The following IQCH variants were observed in gnomAD, a reference collection of about 807,000 sequenced individuals.
IQCH encodes IQ motif containing H.
IQCH carries 98 observed loss-of-function variants against 117.0 expected under a neutral mutation model. The observed-to-expected ratio is 0.84, with a 90% CI of 0.71 to 0.99. IQCH has a LOEUF of 0.99. IQCH is among the 50% of genes least tolerant of loss of function. IQCH has a pLI of 0.00. For missense variants in IQCH, 1,102 were observed against 1,243.8 expected (o/e 0.89, Z 1.72); for synonymous variants, 412 against 448.2 (o/e 0.92, Z 1.02).
intron 1 of IQCH, among the ~76,000 whole-genome samples, chr15:67,256,442 G>C (rs1965207743): frequency 6.6e-6 from 1 of 152,134 alleles, no homozygotes; most frequent in African/African-American, 2.4e-5. Flanking sequence ...CGCTGCTCCA[G>C]AGGTCTGAGC....
At chr15:67,329,839 CACACACAT>C (rs985140778) in intron 4 of IQCH, among the ~76,000 whole-genome samples, 1 of 151,684 alleles carries the variant, frequency 6.6e-6, no homozygotes, top group African/African-American at 2.4e-5. Flanking sequence ...CACACACACA[CACACACAT>C]ATACACATAT....
intron 16 of IQCH, among the ~76,000 whole-genome samples, chr15:67,449,396 T>G (rs1285125041): frequency 6.6e-6 from 1 of 152,146 alleles, no homozygotes; most frequent in African/African-American, 2.4e-5. Flanking sequence ...TGAATTAATT[T>G]TTGTATAAGG....
At chr15:67,389,478 GT>G (rs578040010) in intron 12 of IQCH, among the ~76,000 whole-genome samples, 101 of 145,858 alleles carry the variant, frequency 6.9e-4, no homozygotes, top group African/African-American at 9.5e-4. Flanking sequence ...CAATGTTCAG[GT>G]TTTTTTTTTT....
At chr15:67,477,813 A>G (rs2083242239) in intron 18 of IQCH, among the ~76,000 whole-genome samples, 1 of 152,190 alleles carries the variant, frequency 6.6e-6, no homozygotes, top group Non-Finnish European at 1.5e-5. Context: ...CCCCCACACA[A>G]AAGTGCTTCA....
rs1356940404 is a variant in IQCH, at chr15:67,366,343, C to T, written c.754-5768C>T. Among the ~76,000 whole-genome samples, 1 of 152,170 alleles carries T rather than the reference C, an allele frequency of 6.6e-6. No homozygotes were observed. The highest frequency in any genetic ancestry group is 1.5e-5 in the Non-Finnish European group (1 of 68,024). The stretch of plus-strand genomic sequence containing the variant: ...AATGCAGCAGTAAAATGAAATGTGT[C>T]TCTAGAAGGAAATTTCACATTTGAC... On this transcript the variant is annotated intron_variant, in intron 8 of 20. Coordinates refer to ENST00000335894, the MANE Select transcript of IQCH (RefSeq NM_001031715.3). The surrounding 1 kb of genome is among the most constrained non-coding windows in gnomAD (Gnocchi z 4.4).
At chr15:67,471,448 G>A (rs1179574985) in intron 17 of IQCH, among the ~76,000 whole-genome samples, 1 of 152,070 alleles carries the variant, frequency 6.6e-6, no homozygotes, top group East Asian at 1.9e-4. Context: ...TGATCCCCAT[G>A]ATAACCCCAA....
At chr15:67,428,014 C>T (rs527543693) in intron 16 of IQCH, among the ~76,000 whole-genome samples, 1 of 151,826 alleles carries the variant, frequency 6.6e-6, no homozygotes, top group African/African-American at 2.4e-5. Flanking sequence ...TTAGTAGAGA[C>T]GGGGTTTCGC....
chr15:67,266,491 T>A (rs1218828937), intron 3 of IQCH, among the ~76,000 whole-genome samples: 2 of 151,944 alleles, frequency 1.3e-5, no homozygotes, highest in Non-Finnish European at 2.9e-5. Context: ...CCCGTCTCTA[T>A]TAAAATACAA....
In IQCH at chr15:67,459,218, C is replaced by T. The variant is rs144428151; in HGVS notation, c.2506-5909C>T. Among the ~76,000 whole-genome samples the T allele has an allele frequency of 4.4e-3, 670 of 152,180 alleles. 2 individuals are homozygous for T. Among genetic ancestry groups the T allele is most frequent in the Middle Eastern group, 0.014 (4 of 294 alleles). Reference sequence around the variant, plus strand: ...TACAAAAAGAAAAAGAGGAAGAAGACGATAAGAAAACTTAGAGATGAGTCT... The same window carrying T: ...TACAAAAAGAAAAAGAGGAAGAAGATGATAAGAAAACTTAGAGATGAGTCT... On this transcript the variant is annotated intron_variant, in intron 16 of 20. Coordinates refer to ENST00000335894, the MANE Select transcript of IQCH (RefSeq NM_001031715.3). This position sits in a 1 kb window ranked among gnomAD's most constrained non-coding sequence, Gnocchi z 4.2.
In IQCH at chr15:67,458,240, G is replaced by A. The variant is rs1462989051; in HGVS notation, c.2506-6887G>A. Among the ~76,000 whole-genome samples the A allele has an allele frequency of 6.6e-6, 1 of 152,172 alleles. No individual in the cohort carries two copies. Among genetic ancestry groups the A allele is most frequent in the African/African-American group, 2.4e-5 (1 of 41,428 alleles). On this transcript the variant is annotated intron_variant, in intron 16 of 20. Transcript: ENST00000335894. This position sits in a 1 kb window ranked among gnomAD's most constrained non-coding sequence, Gnocchi z 4.1. The stretch of plus-strand genomic sequence containing the variant: ...ATTTTACCCTCCAAGGTATTTCTCT[G>A]GCATTCTGCCCCAGTGGGAAATGGT...
At chr15:67,410,456 C>T (rs75940327) in intron 14 of IQCH, among the ~76,000 whole-genome samples, 4,944 of 152,252 alleles carry the variant, frequency 0.032, 115 homozygotes, top group Non-Finnish European at 0.054. Context: ...TGCAGTTTGT[C>T]CCTGCTCAAG....
At chr15:67,262,764 G>C (rs1354072723) in intron 2 of IQCH, among the ~76,000 whole-genome samples, 2 of 151,884 alleles carry the variant, frequency 1.3e-5, no homozygotes, top group Non-Finnish European at 2.9e-5. Flanking sequence ...ATGTGCCTGT[G>C]GTCCCAGCTG....
chr15:67,349,820 G>T (rs548865989), intron 6 of IQCH, among the ~76,000 whole-genome samples: 1 of 152,246 alleles, frequency 6.6e-6, no homozygotes, highest in Admixed American at 6.5e-5. Flanking sequence ...ATGAAAGCAT[G>T]CTTAACATCA....
chr15:67,496,943 G>A lies in IQCH; in HGVS notation c.2970+2577G>A, dbSNP rs972869301. On this transcript the variant is annotated intron_variant, in intron 20 of 20. Coordinates refer to ENST00000335894, the MANE Select transcript of IQCH (RefSeq NM_001031715.3). This position sits in a 1 kb window ranked among gnomAD's most constrained non-coding sequence, Gnocchi z 4.4. ...TGAGGCAGGAGAATGGCGTGAACCC[G>A]GGAAGCGGAGCTTGCAGTGAGCCGA... 1.8e-4 allele frequency among the ~76,000 whole-genome samples: 27 copies of A among 149,386 alleles called. No homozygotes were observed. Among genetic ancestry groups the A allele is most frequent in the African/African-American group, 6.4e-4 (26 of 40,590 alleles).
rs536114562 is a variant in IQCH at position 67,478,793 on chromosome 15, A to G, written c.2799+2975A>G. Among the ~76,000 whole-genome samples the G allele has an allele frequency of 7.9e-5, 12 of 152,040 alleles. No homozygotes were observed. In the South Asian group the frequency reaches 2.5e-3, roughly 32 times the overall value. On this transcript the variant is annotated intron_variant, in intron 18 of 20. Coordinates refer to ENST00000335894, the MANE Select transcript of IQCH (RefSeq NM_001031715.3). ...ACAAAAATTAGCTGGGTGTGTTGGC[A>G]GGCGCCTGTAATCCTAGCTACTCGG...
chr15:67,348,790 G>A (rs1186169511), intron 6 of IQCH, among the ~76,000 whole-genome samples: 1 of 152,174 alleles, frequency 6.6e-6, no homozygotes, highest in African/African-American at 2.4e-5. Context: ...GAAAGGGCAA[G>A]GAGCTACAAT....
rs1242133164 is a variant in IQCH at position 67,436,218 on chromosome 15, A to G, written c.2505+14641A>G. 3.3e-5 allele frequency among the ~76,000 whole-genome samples: 5 copies of G among 152,164 alleles called. No individual in the cohort carries two copies. The highest frequency in any genetic ancestry group is 1.2e-4 in the African/African-American group (5 of 41,444). On this transcript the variant is annotated intron_variant, in intron 16 of 20. Transcript: ENST00000335894. The surrounding 1 kb of genome is among the most constrained non-coding windows in gnomAD (Gnocchi z 5.1). ...GAAGCCGACTGCTCCTGCAGGACCC[A>G]GGAGACACCCCAAATACTGTGAGTG...
intron 10 of IQCH, among the ~76,000 whole-genome samples, chr15:67,382,289 A>G (rs1444964904): frequency 6.6e-6 from 1 of 152,206 alleles, no homozygotes; most frequent in Non-Finnish European, 1.5e-5. Flanking sequence ...TATTGCCTCA[A>G]GAGAGACCTA....
At chr15:67,283,641 C>T (rs1596096756) in intron 4 of IQCH, among the ~76,000 whole-genome samples, 1 of 152,016 alleles carries the variant, frequency 6.6e-6, no homozygotes, top group Non-Finnish European at 1.5e-5. Flanking sequence ...ATAGCTCATG[C>T]TTTGGCATAT....
Sources: gnomAD v4.1 joint callset for allele counts (sites outside exome capture counted in the v4.1 genomes callset) on GRCh38, gnomAD v4.1.1 for gene constraint, Gnocchi (gnomAD v3.1) non-coding constraint, MANE v1.5 for transcripts, NCBI Gene and HGNC (gene_info 2026-07-23, HGNC 2026-07-21) for gene names.